The following CTNNA3 variants were observed in gnomAD, a reference collection of about 807,000 sequenced individuals.
CTNNA3 encodes the protein catenin alpha 3.
CTNNA3 carries 76 observed loss-of-function variants against 95.7 expected under a neutral mutation model. The ratio of observed to expected loss-of-function variants is 0.79; its 90% CI spans 0.66 to 0.96. CTNNA3 has a LOEUF of 0.96. Among genes scored for constraint, CTNNA3 ranks in the 40% least tolerant of loss-of-function variants. CTNNA3 has a pLI of 0.00. For synonymous variants in CTNNA3, 431 were observed against 374.4 expected (o/e 1.15, Z -1.74); for missense variants, 1,191 against 1,089.8 (o/e 1.09, Z -1.31).
At chr10:67,092,979 G>C (rs1857746666) in intron 7 of CTNNA3, among the ~76,000 whole-genome samples, 1 of 151,870 alleles carries the variant, frequency 6.6e-6, no homozygotes, top group South Asian at 2.1e-4. Context: ...ATGCTTTCTA[G>C]AGAGTAAGTT....
In CTNNA3 at chr10:66,751,080, C is replaced by T. The variant is rs911991408; in HGVS notation, c.1281+15184G>A. On this transcript the variant is annotated intron_variant, in intron 9 of 17. Coordinates refer to ENST00000433211, the MANE Select transcript of CTNNA3 (RefSeq NM_013266.4). ...GTCAGGAGTTCAAGACCAGCCTGGC[C>T]AATATGGTGAAACCCCGTCTCTGCT... Among the ~76,000 whole-genome samples, 9 of 152,140 alleles carry T rather than the reference C, an allele frequency of 5.9e-5. No homozygotes were observed. In the East Asian group the frequency reaches 7.7e-4, roughly 13 times the overall value.
chr10:66,750,816 A>G (rs1235369851), intron 9 of CTNNA3, among the ~76,000 whole-genome samples: 1 of 152,210 alleles, frequency 6.6e-6, no homozygotes, highest in African/African-American at 2.4e-5. Flanking sequence ...GACATGTTTG[A>G]CAATACTGAG....
chr10:67,357,056 T>A (rs1842836846), intron 5 of CTNNA3, among the ~76,000 whole-genome samples: 1 of 152,048 alleles, frequency 6.6e-6, no homozygotes, highest in African/African-American at 2.4e-5. Flanking sequence ...TTCTCTACCA[T>A]CCTCACTATA....
chr10:66,861,903 G>A (rs534472725), intron 7 of CTNNA3, among the ~76,000 whole-genome samples: 1 of 152,176 alleles, frequency 6.6e-6, no homozygotes, highest in African/African-American at 2.4e-5. Context: ...GAAGTGGTGT[G>A]GGTTATTTCT....
chr10:66,096,316 G>A lies in CTNNA3; in HGVS notation c.1977+6841C>T, dbSNP rs112479199. ...TTATTGGATTTCAAGTTGTACAGGC[G>A]GAGGAAAGAATGACTGTAGAATATG... is the stretch of plus-strand genomic sequence containing the variant. On this transcript the variant is annotated intron_variant, in intron 14 of 17. Coordinates refer to ENST00000433211, the MANE Select transcript of CTNNA3 (RefSeq NM_013266.4). 3.5e-4 allele frequency among the ~76,000 whole-genome samples: 53 copies of A among 152,132 alleles called. No individual in the cohort carries two copies. In the South Asian group the frequency reaches 4.8e-3, roughly 14 times the overall value.
chr10:66,459,601 A>G (rs561495865), intron 11 of CTNNA3, among the ~76,000 whole-genome samples: 1 of 152,282 alleles, frequency 6.6e-6, no homozygotes, highest in South Asian at 2.1e-4. Context: ...ACATTCTGAG[A>G]AATATGTTGT....
intron 1 of CTNNA3, among the ~76,000 whole-genome samples, chr10:67,748,184 G>T (rs2131745705): frequency 6.6e-6 from 1 of 152,278 alleles, no homozygotes; most frequent in African/African-American, 2.4e-5. Flanking sequence ...ACACACTTCA[G>T]GGTATCATCC....
chr10:66,649,107 A>G (rs1461733206), intron 9 of CTNNA3, among the ~76,000 whole-genome samples: 1 of 152,210 alleles, frequency 6.6e-6, no homozygotes, highest in East Asian at 1.9e-4. Context: ...AGGTGCCAGA[A>G]GAAAAGAGTG....
intron 7 of CTNNA3, among the ~76,000 whole-genome samples, chr10:66,840,358 TCTCTCTCTCTCTCTCACACACA>T (rs1401289686): frequency 1.1e-4 from 13 of 123,210 alleles, no homozygotes; most frequent in Admixed American, 3.3e-4. Context: ...TCTCTCTCTC[TCTCTCTCTCTCTCTCACACACA>T]CACACACACA....
At chr10:67,153,043 T>C (rs918556939) in intron 7 of CTNNA3, among the ~76,000 whole-genome samples, 1 of 152,006 alleles carries the variant, frequency 6.6e-6, no homozygotes, top group South Asian at 2.1e-4. Context: ...TGGTGTGATA[T>C]CAGCTCACTG....
chr10:66,756,860 T>A (rs1055264699), intron 9 of CTNNA3, among the ~76,000 whole-genome samples: 1 of 152,192 alleles, frequency 6.6e-6, no homozygotes, highest in Non-Finnish European at 1.5e-5. Flanking sequence ...ATCCACCTTG[T>A]TGAGCCTTGT....
intron 11 of CTNNA3, among the ~76,000 whole-genome samples, chr10:66,396,937 C>G (rs1348341525): frequency 6.6e-6 from 1 of 151,554 alleles, no homozygotes; most frequent in African/African-American, 2.4e-5. Context: ...CCAATATAAG[C>G]TTTTCACTTA....
chr10:66,055,239 T>C (rs967444928), intron 15 of CTNNA3, among the ~76,000 whole-genome samples: 3 of 152,206 alleles, frequency 2.0e-5, no homozygotes, highest in Admixed American at 2.0e-4. Context: ...TTAGGATTAC[T>C]TTTTCTGTTT....
chr10:67,407,646 T>C (rs1227017234), intron 5 of CTNNA3, among the ~76,000 whole-genome samples: 2 of 152,194 alleles, frequency 1.3e-5, no homozygotes, highest in Non-Finnish European at 2.9e-5. Context: ...GCAGGTGACA[T>C]AATTGCGTAT....
intron 13 of CTNNA3, among the ~76,000 whole-genome samples, chr10:66,228,743 C>T (rs2132002834): frequency 1.3e-5 from 2 of 152,150 alleles, no homozygotes; most frequent in South Asian, 4.2e-4. Flanking sequence ...GAGTGGGTTG[C>T]TGAAGTCCCC....
intron 7 of CTNNA3, among the ~76,000 whole-genome samples, chr10:67,165,048 A>C (rs991707137): frequency 6.6e-6 from 1 of 152,188 alleles, no homozygotes; most frequent in Admixed American, 6.5e-5. Flanking sequence ...CTACACAAAA[A>C]TCTGTACCCA....
At chr10:67,385,811 G>A (rs1844136148) in intron 5 of CTNNA3, among the ~76,000 whole-genome samples, 2 of 151,310 alleles carry the variant, frequency 1.3e-5, no homozygotes, top group Admixed American at 6.6e-5. Flanking sequence ...CACAGTGCCT[G>A]GTGGGGATAT....
chr10:66,160,118 C>A (rs1023974338), intron 13 of CTNNA3, among the ~76,000 whole-genome samples: 2 of 151,798 alleles, frequency 1.3e-5, no homozygotes, highest in African/African-American at 4.8e-5. Flanking sequence ...TTTATCTTTT[C>A]AAAGGACCCG....
chr10:67,102,714 T>G (rs1276553983), intron 7 of CTNNA3, among the ~76,000 whole-genome samples: 1 of 151,938 alleles, frequency 6.6e-6, no homozygotes, highest in African/African-American at 2.4e-5. Context: ...AATTGCTTTT[T>G]AATCTAAAAT....
Sources: gnomAD v4.1 joint callset for allele counts (sites outside exome capture counted in the v4.1 genomes callset) on GRCh38, gnomAD v4.1.1 for gene constraint, MANE v1.5 for transcripts, NCBI Gene and HGNC (gene_info 2026-07-23, HGNC 2026-07-21) for gene names.